MTMR11: variants seen among roughly 807,000 people sequenced by gnomAD.
The protein encoded by MTMR11 is myotubularin related protein 11.
A neutral mutation model predicts 100.0 loss-of-function variants in MTMR11; 89 were observed. The observed-to-expected ratio is 0.89, with a 90% CI of 0.75 to 1.06. The LOEUF is 1.06. Among genes scored for constraint, MTMR11 ranks in the 50% least tolerant of loss-of-function variants. The pLI is 0.00. For synonymous variants in MTMR11, 336 were observed against 326.3 expected (o/e 1.03, Z -0.32); for missense variants, 809 against 873.7 (o/e 0.93, Z 0.93).
At position 149,936,710 on chromosome 1, in the gene MTMR11, C is replaced by T; in HGVS notation, c.-63G>A. 2 of 1,114,382 alleles carry T rather than the reference C, an allele frequency of 1.8e-6. No individual in the cohort carries two copies. The highest frequency in any genetic ancestry group is 2.0e-5 in the Admixed American group (1 of 50,004). 69.0% of individuals were successfully genotyped at this position (1,114,382 alleles called of 1,614,324 possible). On this transcript the variant is annotated 5_prime_UTR_variant, in exon 1 of 17. It adds an upstream start codon to the 5' untranslated region. Coordinates refer to ENST00000439741, the MANE Select transcript of MTMR11 (RefSeq NM_001145862.2). ...GGGAAACCTCAAGGATGCTCACCCA[C>T]CTCGGGGAGAGGCTGAGTCTTGTTG...
intron 2 of MTMR11, 147 bp from the exon 3 acceptor site, chr1:149,935,852 G>T (rs1378032202): frequency 2.7e-6 from 3 of 1,118,284 alleles, no homozygotes; most frequent in African/African-American, 1.6e-5. Context: ...TATGAGGAAA[G>T]ATAAATGTTT....
intron 10 of MTMR11, 118 bp downstream of exon 10, chr1:149,933,288 G>GAA: frequency 7.3e-7 from 1 of 1,377,582 alleles, no homozygotes. Flanking sequence ...GAAAAGAAAA[G>GAA]AAAACGGGCT....
In MTMR11 at chr1:149,936,247, G is replaced by C; in HGVS notation, c.67-18C>G. The C allele has an allele frequency of 1.2e-6, 2 of 1,612,614 alleles. No homozygotes were observed. The highest frequency in any genetic ancestry group is 2.7e-5 in the African/African-American group (2 of 73,766). ...TGGACAGACTTTGGTCCAGAGGGTT[G>C]AGGGGGGTCTAGAGTTAACCCCTAG... is the stretch of plus-strand genomic sequence containing the variant. On this transcript the variant is annotated intron_variant, in intron 1 of 16. Coordinates refer to ENST00000439741, the MANE Select transcript of MTMR11 (RefSeq NM_001145862.2).
chr1:149,934,938 C>A, intron 5 of MTMR11, 48 bp downstream of exon 5: 1 of 1,591,548 alleles, frequency 6.3e-7, no homozygotes, highest in Admixed American at 1.8e-5. Context: ...GGGAGAGGAT[C>A]CCAAGGTTCT....
At position 149,931,962 on chromosome 1, in the gene MTMR11, G is replaced by A. The variant is rs782501081; in HGVS notation, c.1105C>T (p.Arg369Cys). The change falls in exon 12 of 17, where the codon CGT (arginine) becomes TGT (cysteine). Residue 369 changes from arginine to cysteine, a missense_variant. Arg to Cys is a radical substitution (Grantham distance 180). Transcript: ENST00000439741. ...AACTCACCTTGAAGTATTACAGAAC[G>A]AACCCTGGATGTCACTAATACTGAA... ...DISVLVTSRV[R>C]SVILQERGDR... is the part of the protein sequence containing the mutation. 2.2e-5 allele frequency: 35 copies of A among 1,613,738 alleles called. No homozygotes were observed. Among genetic ancestry groups the A allele is most frequent in the Non-Finnish European group, 2.7e-5 (32 of 1,179,654 alleles).
At chr1:149,936,553 C>G in intron 1 of MTMR11, 29 bp downstream of exon 1, 1 of 1,466,624 alleles carries the variant, frequency 6.8e-7, no homozygotes, top group Non-Finnish European at 9.3e-7. Context: ...CACCCTCTTG[C>G]CGACACCCCC....
chr1:149,929,316 A>G lies in MTMR11; in HGVS notation c.1943T>C (p.Met648Thr). 8.7e-6 allele frequency: 14 copies of G among 1,613,238 alleles called. No individual in the cohort carries two copies. Among genetic ancestry groups the G allele is most frequent in the Non-Finnish European group, 1.2e-5 (14 of 1,179,340 alleles). Reference protein sequence around the residue: ...CYLRGRPEVQMGLSAPTISGL... With the variant: ...CYLRGRPEVQTGLSAPTISGL... Reference sequence around the variant, plus strand: ...AGAGATTGTGGGAGCTGAGAGGCCCATCTGGGGAGGAGGCAAAGAGGAACA... The same window carrying G: ...AGAGATTGTGGGAGCTGAGAGGCCCGTCTGGGGAGGAGGCAAAGAGGAACA... Residue 648 changes from methionine to threonine, a missense_variant and splice_region_variant, in exon 17 of 17, where the codon ATG (methionine) becomes ACG (threonine). Physicochemically the swap from Met to Thr is moderately conservative, Grantham distance 81 (BLOSUM62 -1). Transcript: ENST00000439741.
In MTMR11 at chr1:149,936,546, C is replaced by T. The variant is rs1376807737; in HGVS notation, c.66+36G>A. 13 of 1,428,616 alleles carry T rather than the reference C, an allele frequency of 9.1e-6. No homozygotes were observed. In the South Asian group the frequency reaches 1.3e-4, roughly 15 times the overall value. The allele number at this position is 1,428,616 out of a possible 1,614,324, so 88.5% of individuals were successfully genotyped here. ...ATCTCCACCTCATCCCCGTTCTCAC[C>T]CTCTTGCCGACACCCCCCAAATTCC... is the stretch of plus-strand genomic sequence containing the variant. On this transcript the variant is annotated intron_variant, in intron 1 of 16. Transcript: ENST00000439741.
Position 149,930,353 on chromosome 1 carries a change from T to C in MTMR11, c.1647+12A>G. On this transcript the variant is annotated intron_variant, in intron 15 of 16. Transcript: ENST00000439741. ...GAACGTCAAGGGAATTTAGGAAGTT[T>C]AGACACTTCACCTGTGGTCTAGGGA... The C allele has an allele frequency of 6.2e-7, 1 of 1,609,144 alleles. No individual in the cohort carries two copies. The highest frequency in any genetic ancestry group is 8.5e-7 in the Non-Finnish European group (1 of 1,176,568).
rs1478799541 is a variant in MTMR11 at position 149,932,016 on chromosome 1, T to C, written c.1053-2A>G. On this transcript the variant is annotated splice_acceptor_variant, in intron 11 of 16. Transcript: ENST00000439741. LOFTEE classifies it high-confidence loss of function. ...TCACTGGCCTTTCGAAGACAAGCCCTGGAGGAGCAGGTGAGGAAGAGGGAG... is the reference window on the plus strand; with the variant it reads ...TCACTGGCCTTTCGAAGACAAGCCCCGGAGGAGCAGGTGAGGAAGAGGGAG... 1 of 1,612,532 alleles carries C rather than the reference T, an allele frequency of 6.2e-7. No individual in the cohort carries two copies. Among genetic ancestry groups the C allele is most frequent in the Non-Finnish European group, 8.5e-7 (1 of 1,178,676 alleles).
Position 149,928,792 on chromosome 1 carries a change from C to A in MTMR11, c.*337G>T, listed in dbSNP as rs2092614307. On this transcript the variant is annotated 3_prime_UTR_variant, in exon 17 of 17. Coordinates refer to ENST00000439741, the MANE Select transcript of MTMR11 (RefSeq NM_001145862.2). ...GAAATAGAACTTGGAATTAAAGCAG[C>A]AGCAAGGCGAGGTGAGAATGCGATT... 5.0e-6 allele frequency: 7 copies of A among 1,390,530 alleles called. No individual in the cohort carries two copies. The highest frequency in any genetic ancestry group is 7.2e-6 in the Non-Finnish European group (7 of 978,576). 86.1% of individuals were successfully genotyped at this position (1,390,530 alleles called of 1,614,324 possible).
chr1:149,931,887 G>C (rs2092665004), intron 12 of MTMR11, 57 bp downstream of exon 12: 4 of 1,479,240 alleles, frequency 2.7e-6, no homozygotes, highest in Non-Finnish European at 3.8e-6. Flanking sequence ...ATGCAATCTG[G>C]TCAGGTGGGT....
intron 2 of MTMR11, 138 bp downstream of exon 2, chr1:149,936,016 T>C: frequency 2.1e-6 from 2 of 968,790 alleles, no homozygotes; most frequent in Non-Finnish European, 3.3e-6. Flanking sequence ...CTAGAGGCTG[T>C]CAGGGAGGAC....
chr1:149,929,088 A>T lies in MTMR11; in HGVS notation c.*41T>A. On this transcript the variant is annotated 3_prime_UTR_variant, in exon 17 of 17. Transcript: ENST00000439741. ...GTGTGAAAGCTGAGGCTGCAAGTGC[A>T]GATACAAAAAAAAAAAAAAAAGATT... 1.3e-6 allele frequency: 2 copies of T among 1,562,496 alleles called. No homozygotes were observed. The highest frequency in any genetic ancestry group is 1.7e-6 in the Non-Finnish European group (2 of 1,157,882).
chr1:149,934,208 C>T lies in MTMR11; in HGVS notation c.666G>A (p.Arg222=). The change falls in exon 7 of 17, where the codon AGG becomes AGA. Residue 222 remains arginine (R), a synonymous_variant. Coordinates refer to ENST00000439741, the MANE Select transcript of MTMR11 (RefSeq NM_001145862.2). ...GGGATCACCTGGTGGCTACGTCGAA[C>T]CTCTCGTTGACCGTGCTGACCCTCC... is the stretch of plus-strand genomic sequence containing the variant. ...RGWRVSTVNE[R]FDVATSLPRY... 6.2e-7 allele frequency: 1 copy of T among 1,614,100 alleles called. No homozygotes were observed. The highest frequency in any genetic ancestry group is 8.5e-7 in the Non-Finnish European group (1 of 1,180,016).
intron 1 of MTMR11, 137 bp from the exon 2 acceptor site, chr1:149,936,366 T>C: frequency 6.7e-7 from 1 of 1,483,364 alleles, no homozygotes; most frequent in Admixed American, 2.6e-5. Flanking sequence ...GCTCCAGACC[T>C]AACAGGGCTG....
In MTMR11 at chr1:149,929,548, C is replaced by G. The variant is rs184208420; in HGVS notation, c.1941+75G>C. 3.8e-3 allele frequency: 5,798 copies of G among 1,508,774 alleles called. 15 individuals carry two copies. Among genetic ancestry groups the G allele is most frequent in the Non-Finnish European group, 4.7e-3 (5,317 of 1,120,064 alleles). 93.5% of individuals were successfully genotyped at this position (1,508,774 alleles called of 1,614,324 possible). ...ACTCCCAGAGGCTTCAGCTCCTTGC[C>G]TTTCCAGCTCCTGTTCATCTGGTTC... is the stretch of plus-strand genomic sequence containing the variant. On this transcript the variant is annotated intron_variant, in intron 16 of 16. Coordinates refer to ENST00000439741, the MANE Select transcript of MTMR11 (RefSeq NM_001145862.2).
At chr1:149,930,644 T>G in intron 14 of MTMR11, 97 bp from the exon 15 acceptor site, 4 of 1,387,772 alleles carry the variant, frequency 2.9e-6, no homozygotes, top group Non-Finnish European at 3.9e-6. Context: ...AGGAAAGATG[T>G]AGGGCAAAAG....
At chr1:149,935,752 C>G (rs782648786) in intron 2 of MTMR11, 47 bp from the exon 3 acceptor site, 1 of 1,531,910 alleles carries the variant, frequency 6.5e-7, no homozygotes, top group Non-Finnish European at 8.8e-7. Context: ...CCCAGTGTTG[C>G]CCACACTTGG....
Sources: gnomAD v4.1 joint callset for allele counts on GRCh38, gnomAD v4.1.1 for gene constraint, MANE v1.5 for transcripts, NCBI Gene and HGNC (gene_info 2026-07-23, HGNC 2026-07-21) for gene names.